CHERP: variants seen among roughly 807,000 people sequenced by gnomAD.
CHERP encodes the protein calcium homeostasis endoplasmic reticulum protein.
In CHERP, 8 loss-of-function variants were observed where a neutral mutation model predicts 113.8. The observed-to-expected ratio is 0.07, with a 90% CI of 0.04 to 0.13. CHERP has a LOEUF of 0.13. Among genes scored for constraint, CHERP ranks in the 10% least tolerant of loss-of-function variants. The probability of loss-of-function intolerance (pLI) is 1.00; values close to 1 mark genes in which losing one functional copy is unlikely to be tolerated. For synonymous variants in CHERP, 559 were observed against 524.5 expected, an observed-to-expected ratio of 1.07 and a Z score of -0.90; for missense variants, 884 against 1,298.2, an observed-to-expected ratio of 0.68 and a Z score of 4.90.
chr19:16,529,824 T>C lies in CHERP; in HGVS notation c.953A>G (p.Lys318Arg). 3 of 1,613,794 alleles carry C rather than the reference T, an allele frequency of 1.9e-6. No homozygotes were observed. Among genetic ancestry groups the C allele is most frequent in the Non-Finnish European group, 2.5e-6 (3 of 1,179,976 alleles). ...LAFQQQIQTL[K>R]TQHEEFVTSL... ...GGTGACAAACTCCTCGTGCTGCGTC[T>C]TGAGGGTCTGGATCTGCTGCTGGAA... Residue 318 changes from lysine to arginine, a missense_variant, in exon 8 of 17, where the codon AAG becomes AGG. Physicochemically the swap from Lys to Arg is conservative, Grantham distance 26. Coordinates refer to ENST00000546361, the MANE Select transcript of CHERP (RefSeq NM_006387.6).
chr19:16,540,856 C>A (rs999434290), intron 2 of CHERP, among the ~76,000 whole-genome samples: 3 of 151,580 alleles, frequency 2.0e-5, no homozygotes, highest in African/African-American at 7.3e-5. Context: ...GGCCACCACA[C>A]CCGGCTAATT....
intron 10 of CHERP, among the ~76,000 whole-genome samples, chr19:16,524,948 G>A (rs561769017): frequency 1.2e-3 from 175 of 152,150 alleles, no homozygotes; most frequent in Non-Finnish European, 2.1e-3. Flanking sequence ...ACAAGCAGCA[G>A]CAGTAAAAAG....
rs1270285995 is a variant in CHERP at position 16,535,657 on chromosome 19, G to A, written c.200-21C>T. 1.3e-6 allele frequency: 2 copies of A among 1,484,044 alleles called. No individual in the cohort carries two copies. The highest frequency in any genetic ancestry group is 1.8e-6 in the Non-Finnish European group (2 of 1,119,260). 91.9% of individuals were successfully genotyped at this position (1,484,044 alleles called of 1,614,324 possible). A position where few individuals can be genotyped will look rare whatever the true frequency, so the allele number is the denominator to read the frequency against. ...GATGACTGGAGGGAGAGGAGGAGGG[G>A]TGCCCCATGAGAATGCAGATGGGGG... On this transcript the variant is annotated intron_variant, in intron 2 of 16. Transcript: ENST00000546361. The surrounding 1 kb of genome is among the most constrained non-coding windows in gnomAD (Gnocchi z 4.3).
rs780524358 is a variant in CHERP at position 16,519,131 on chromosome 19, C to T, written c.*28G>A. The stretch of plus-strand genomic sequence containing the variant: ...AAGGTCCCACAGCCGGCACCGCTGG[C>T]CACCGGCGCGGCTCCCGGCATGGGC... On this transcript the variant is annotated 3_prime_UTR_variant, in exon 17 of 17. Transcript: ENST00000546361. The surrounding 1 kb of genome is among the most constrained non-coding windows in gnomAD (Gnocchi z 6.0). 5 of 1,598,880 alleles carry T rather than the reference C, an allele frequency of 3.1e-6. No individual in the cohort carries two copies. Among genetic ancestry groups the T allele is most frequent in the Non-Finnish European group, 4.3e-6 (5 of 1,173,156 alleles).
chr19:16,540,547 A>G (rs1337816442), intron 2 of CHERP, among the ~76,000 whole-genome samples: 2 of 149,540 alleles, frequency 1.3e-5, no homozygotes, highest in Non-Finnish European at 1.5e-5. Context: ...TAAGTTTTGT[A>G]ATTTTAGTAG....
rs1599743674 is a variant in CHERP, at chr19:16,519,087, C to T, written c.*72G>A. ...AGAACTGAGCTGTCACTGCAATCTTCCTCTGCCAGTCAGCCAGGAAGGTCC... is the reference window on the plus strand; with the variant it reads ...AGAACTGAGCTGTCACTGCAATCTTTCTCTGCCAGTCAGCCAGGAAGGTCC... On this transcript the variant is annotated 3_prime_UTR_variant, in exon 17 of 17. Transcript: ENST00000546361. This position sits in a 1 kb window ranked among gnomAD's most constrained non-coding sequence, Gnocchi z 6.0. The T allele has an allele frequency of 2.9e-6, 4 of 1,376,468 alleles. No individual in the cohort carries two copies. The highest frequency in any genetic ancestry group is 4.9e-5 in the East Asian group (2 of 40,896). The allele number at this position is 1,376,468 out of a possible 1,614,324, so 85.3% of individuals were successfully genotyped here. A position where few individuals can be genotyped will look rare whatever the true frequency, so the allele number is the denominator to read the frequency against.
In CHERP at chr19:16,528,192, T is replaced by C. The variant is rs776429920; in HGVS notation, c.1193A>G (p.Gln398Arg). Reference protein sequence around the residue: ...SSEYEAPGGVQDPAAAGPRGP... With the variant: ...SSEYEAPGGVRDPAAAGPRGP... ...CCGGGGGCCGGCAGCTGCAGGATCCTGGACCCCTCCTGGAGCTTCGTACTC... is the reference window on the plus strand; with the variant it reads ...CCGGGGGCCGGCAGCTGCAGGATCCCGGACCCCTCCTGGAGCTTCGTACTC... The change falls in exon 9 of 17, where the codon CAG (glutamine) becomes CGG (arginine). Residue 398 changes from glutamine (Q) to arginine (R), a missense_variant. Around this residue, in one of 8 missense-constraint regions of CHERP, gnomAD observed 464 missense variants for 590.1 expected, o/e 0.79. Coordinates refer to ENST00000546361, the MANE Select transcript of CHERP (RefSeq NM_006387.6). 3.7e-6 allele frequency: 6 copies of C among 1,611,726 alleles called. No homozygotes were observed. The highest frequency in any genetic ancestry group is 5.1e-6 in the Non-Finnish European group (6 of 1,179,248).
chr19:16,541,687 A>G (rs2085780972), intron 2 of CHERP, 183 bp downstream of exon 2: 1 of 608,322 alleles, frequency 1.6e-6, no homozygotes, highest in African/African-American at 1.9e-5. Flanking sequence ...TCTCCATTAC[A>G]GTGGCACCCA....
At position 16,535,703 on chromosome 19, in the gene CHERP, C is replaced by T; in HGVS notation, c.200-67G>A. The T allele has an allele frequency of 2.1e-6, 3 of 1,400,350 alleles. No homozygotes were observed. Among genetic ancestry groups the T allele is most frequent in the Non-Finnish European group, 2.8e-6 (3 of 1,063,988 alleles). The allele number at this position is 1,400,350 out of a possible 1,614,324, so 86.7% of individuals were successfully genotyped here. A position where few individuals can be genotyped will look rare whatever the true frequency, so the allele number is the denominator to read the frequency against. On this transcript the variant is annotated intron_variant, in intron 2 of 16. Transcript: ENST00000546361. The surrounding 1 kb of genome is among the most constrained non-coding windows in gnomAD (Gnocchi z 4.3). ...GGGGGTCTAGGTGTCCCCTTGGCCA[C>T]CTCTCAGCCACAGGGGCCTCCCCCT... is the stretch of plus-strand genomic sequence containing the variant.
chr19:16,540,534 G>A (rs963495702), intron 2 of CHERP, among the ~76,000 whole-genome samples: 1 of 150,750 alleles, frequency 6.6e-6, no homozygotes, highest in Non-Finnish European at 1.5e-5. Flanking sequence ...CACCACACCT[G>A]ACTAAGTTTT....
intron 11 of CHERP, among the ~76,000 whole-genome samples, chr19:16,522,782 G>A (rs2085628664): frequency 6.6e-6 from 1 of 152,116 alleles, no homozygotes; most frequent in Admixed American, 6.5e-5. Flanking sequence ...GAGAGGACTC[G>A]AGCCTCATAG....
chr19:16,522,156 C>A (rs901637361), intron 11 of CHERP, among the ~76,000 whole-genome samples: 17 of 152,144 alleles, frequency 1.1e-4, no homozygotes, highest in Admixed American at 9.8e-4. Context: ...GCCCATGGCT[C>A]CGTGAAGTCT....
chr19:16,542,180 C>T, intron 1 of CHERP, 137 bp from the exon 2 acceptor site: 2 of 1,137,200 alleles, frequency 1.8e-6, no homozygotes, highest in Non-Finnish European at 2.4e-6. Flanking sequence ...TTGTACGGGT[C>T]CCGATAGGGG....
chr19:16,541,542 C>A (rs2085779729), intron 2 of CHERP: 3 of 253,878 alleles, frequency 1.2e-5, no homozygotes, highest in Non-Finnish European at 2.3e-5. Context: ...GGACTCCCAT[C>A]CGGCCTCTAT....
At chr19:16,529,400 C>A (rs192347281) in intron 8 of CHERP, among the ~76,000 whole-genome samples, 1 of 152,280 alleles carries the variant, frequency 6.6e-6, no homozygotes, top group Non-Finnish European at 1.5e-5. Flanking sequence ...GGGTACCTTT[C>A]CTCTATTTCT....
intron 10 of CHERP, among the ~76,000 whole-genome samples, chr19:16,524,132 C>T (rs1317111054): frequency 6.6e-6 from 1 of 151,848 alleles, no homozygotes; most frequent in Non-Finnish European, 1.5e-5. Flanking sequence ...TGCCTGTAAT[C>T]CCAGCTACTG....
intron 11 of CHERP, among the ~76,000 whole-genome samples, chr19:16,522,075 C>T (rs576485112): frequency 1.3e-4 from 19 of 151,970 alleles, no homozygotes; most frequent in East Asian, 3.9e-4. Flanking sequence ...TCTTCTGCTC[C>T]GTCTCTGTCC....
Position 16,530,047 on chromosome 19 carries a change from T to C in CHERP, c.877-147A>G. 2 of 1,060,932 alleles carry C rather than the reference T, an allele frequency of 1.9e-6. No individual in the cohort carries two copies. The highest frequency in any genetic ancestry group is 2.7e-6 in the Non-Finnish European group (2 of 743,960). 65.7% of individuals were successfully genotyped at this position (1,060,932 alleles called of 1,614,324 possible). On this transcript the variant is annotated intron_variant, in intron 7 of 16. Transcript: ENST00000546361. This position sits in a 1 kb window ranked among gnomAD's most constrained non-coding sequence, Gnocchi z 4.1. ...CCGTCACGTGAAACAGCCAACACAG[T>C]CTGGGCAATCAGTGTGCGCTGGGAT...
At position 16,519,871 on chromosome 19, in the gene CHERP, C is replaced by T; in HGVS notation, c.2463-156G>A. ...GCGTCTCTACCCGTTTATCCTGTCTCAGCTAGATAAGGGGGCTCCAGACGC... is the reference window on the plus strand; with the variant it reads ...GCGTCTCTACCCGTTTATCCTGTCTTAGCTAGATAAGGGGGCTCCAGACGC... On this transcript the variant is annotated intron_variant, in intron 15 of 16. Coordinates refer to ENST00000546361, the MANE Select transcript of CHERP (RefSeq NM_006387.6). This position sits in a 1 kb window ranked among gnomAD's most constrained non-coding sequence, Gnocchi z 6.0. The T allele has an allele frequency of 1.4e-6, 1 of 732,752 alleles. No individual in the cohort carries two copies. The highest frequency in any genetic ancestry group is 2.4e-6 in the Non-Finnish European group (1 of 423,528). The allele number at this position is 732,752 out of a possible 1,614,324, so 45.4% of individuals were successfully genotyped here.
Sources: gnomAD v4.1 joint callset for allele counts (sites outside exome capture counted in the v4.1 genomes callset) on GRCh38, gnomAD v4.1.1 for gene constraint, gnomAD v4.1.1 regional missense constraint, Gnocchi (gnomAD v3.1) non-coding constraint, MANE v1.5 for transcripts, NCBI Gene and HGNC (gene_info 2026-07-23, HGNC 2026-07-21) for gene names.